PPM1F: variants seen among roughly 807,000 people sequenced by gnomAD.
PPM1F encodes the protein protein phosphatase, Mg2+/Mn2+ dependent 1F.
A neutral mutation model predicts 35.5 loss-of-function variants in PPM1F; 17 were observed. The observed-to-expected ratio is 0.48, with a 90% CI of 0.33 to 0.72. The LOEUF is 0.72. PPM1F is among the 30% of genes least tolerant of loss of function. PPM1F has a pLI of 0.02. For synonymous variants in PPM1F, 241 were observed against 255.5 expected, an observed-to-expected ratio of 0.94 and a Z score of 0.54; for missense variants, 521 against 613.0, an observed-to-expected ratio of 0.85 and a Z score of 1.59.
In PPM1F at chr22:21,945,811, T is replaced by TC. The variant is rs774750060; in HGVS notation, c.206+31dup. 5.6e-6 allele frequency: 9 copies of TC among 1,598,506 alleles called. No homozygotes were observed. In the East Asian group the frequency reaches 6.7e-5, roughly 12 times the overall value. ...GTCGGCCCTGGTGCCGTGCCCTTAC[T>TC]CCCCGTCCCCTTTGGGGGTGCACAG... On this transcript the variant is annotated intron_variant, in intron 2 of 7. Coordinates refer to ENST00000263212, the MANE Select transcript of PPM1F (RefSeq NM_014634.4).
At chr22:21,938,201 C>T in intron 3 of PPM1F, 1 of 1,303,356 alleles carries the variant, frequency 7.7e-7, no homozygotes, top group Non-Finnish European at 1.0e-6. Flanking sequence ...CGCTCCTTCT[C>T]ACCGGCAGGT....
rs2070422773 is a variant in PPM1F, at chr22:21,919,506, A to AAGAATAGGGAAG, written c.*3574_*3585dup. The AAGAATAGGGAAG allele has an allele frequency of 6.6e-6, 1 of 152,478 alleles. No individual in the cohort carries two copies. Among genetic ancestry groups the AAGAATAGGGAAG allele is most frequent in the African/African-American group, 2.4e-5 (1 of 41,404 alleles). The allele number at this position is 152,478 out of a possible 1,614,324, so 9.4% of individuals were successfully genotyped here. A position where few individuals can be genotyped will look rare whatever the true frequency, so the allele number is the denominator to read the frequency against. ...TTCTGGCATCTTGGGACTTGTCCCT[A>AAGAATAGGGAAG]AGAATAGGGAAGACAGTCATCCTGT... On this transcript the variant is annotated 3_prime_UTR_variant, in exon 8 of 8. Coordinates refer to ENST00000263212, the MANE Select transcript of PPM1F (RefSeq NM_014634.4).
chr22:21,921,044 A>G lies in PPM1F; in HGVS notation c.*2048T>C, dbSNP rs891807191. ...TGTTTAAGGTTTTTTTTTGTAAATAAGAGACCTTAAGCAATGCATTGACTG... is the reference window on the plus strand; with the variant it reads ...TGTTTAAGGTTTTTTTTTGTAAATAGGAGACCTTAAGCAATGCATTGACTG... On this transcript the variant is annotated 3_prime_UTR_variant, in exon 8 of 8. Transcript: ENST00000263212. 1 of 152,398 alleles carries G rather than the reference A, an allele frequency of 6.6e-6. No homozygotes were observed. The highest frequency in any genetic ancestry group is 2.4e-5 in the African/African-American group (1 of 41,408). 9.4% of individuals were successfully genotyped at this position (152,398 alleles called of 1,614,324 possible). A position where few individuals can be genotyped will look rare whatever the true frequency, so the allele number is the denominator to read the frequency against.
intron 5 of PPM1F, among the ~76,000 whole-genome samples, chr22:21,932,178 C>T (rs771327580): frequency 5.9e-5 from 9 of 152,176 alleles, no homozygotes; most frequent in Non-Finnish European, 1.2e-4. Context: ...GTCTCGAATT[C>T]CTAACCTGAA....
chr22:21,925,701 G>A, intron 6 of PPM1F, 39 bp from the exon 7 acceptor site: 4 of 1,512,546 alleles, frequency 2.6e-6, no homozygotes, highest in Non-Finnish European at 3.6e-6. Context: ...AGGGCCGGGG[G>A]GATGGGGCGT....
At chr22:21,931,680 T>A (rs944410628) in intron 5 of PPM1F, among the ~76,000 whole-genome samples, 1 of 151,678 alleles carries the variant, frequency 6.6e-6, no homozygotes, top group Non-Finnish European at 1.5e-5. Context: ...GCCTGGCTAA[T>A]TTTTTGTGTT....
intron 1 of PPM1F, 49 bp from the exon 2 acceptor site, chr22:21,946,157 C>G (rs2070775442): frequency 1.1e-6 from 1 of 912,916 alleles, no homozygotes; most frequent in Non-Finnish European, 1.6e-6. Flanking sequence ...ATGGCACCAG[C>G]AATGCAGGTG....
rs1212214075 is a variant in PPM1F, at chr22:21,919,459, G to A, written c.*3633C>T. On this transcript the variant is annotated 3_prime_UTR_variant, in exon 8 of 8. Coordinates refer to ENST00000263212, the MANE Select transcript of PPM1F (RefSeq NM_014634.4). ...TGTGGTTTATTGACACTTCTGCATGGTGGGTCCTTGGGAGACTGCCTTTCT... is the reference window on the plus strand; with the variant it reads ...TGTGGTTTATTGACACTTCTGCATGATGGGTCCTTGGGAGACTGCCTTTCT... 6.6e-6 allele frequency: 1 copy of A among 152,648 alleles called. No individual in the cohort carries two copies. The highest frequency in any genetic ancestry group is 1.5e-5 in the Non-Finnish European group (1 of 68,034). The allele number at this position is 152,648 out of a possible 1,614,324, so 9.5% of individuals were successfully genotyped here.
Position 21,922,935 on chromosome 22 carries a change from G to A in PPM1F, c.*157C>T, listed in dbSNP as rs1033773020. 6.5e-6 allele frequency: 6 copies of A among 929,090 alleles called. No homozygotes were observed. Among genetic ancestry groups the A allele is most frequent in the African/African-American group, 1.8e-5 (1 of 54,964 alleles). The allele number at this position is 929,090 out of a possible 1,614,324, so 57.6% of individuals were successfully genotyped here. A position where few individuals can be genotyped will look rare whatever the true frequency, so the allele number is the denominator to read the frequency against. ...AGTGCAGTTCCACAGCCACCAGGACGGGCTGCGGGGGGTGTCCCGACTGGC... is the reference window on the plus strand; with the variant it reads ...AGTGCAGTTCCACAGCCACCAGGACAGGCTGCGGGGGGTGTCCCGACTGGC... On this transcript the variant is annotated 3_prime_UTR_variant, in exon 8 of 8. Transcript: ENST00000263212.
intron 6 of PPM1F, 53 bp downstream of exon 6, chr22:21,931,095 C>T (rs2070583505): frequency 3.1e-6 from 5 of 1,605,462 alleles, no homozygotes; most frequent in Non-Finnish European, 4.3e-6. Context: ...CCTATGGGCC[C>T]AGCATGATGG....
At position 21,920,193 on chromosome 22, in the gene PPM1F, C is replaced by T. The variant is rs2070431149; in HGVS notation, c.*2899G>A. On this transcript the variant is annotated 3_prime_UTR_variant, in exon 8 of 8. Transcript: ENST00000263212. ...CCCAACCTGCTGGCAGCAGGAGGGCCCCTGTGTGCTGGCAGCATCTCCCCA... is the reference window on the plus strand; with the variant it reads ...CCCAACCTGCTGGCAGCAGGAGGGCTCCTGTGTGCTGGCAGCATCTCCCCA... 2 of 152,524 alleles carry T rather than the reference C, an allele frequency of 1.3e-5. No homozygotes were observed. The highest frequency in any genetic ancestry group is 4.8e-5 in the African/African-American group (2 of 41,434). The allele number at this position is 152,524 out of a possible 1,614,324, so 9.4% of individuals were successfully genotyped here.
chr22:21,931,093 C>T, intron 6 of PPM1F, 55 bp downstream of exon 6: 1 of 1,603,952 alleles, frequency 6.2e-7, no homozygotes, highest in Non-Finnish European at 8.5e-7. Context: ...CCCCTATGGG[C>T]CCAGCATGAT....
intron 6 of PPM1F, among the ~76,000 whole-genome samples, chr22:21,928,089 G>A (rs529784838): frequency 5.3e-5 from 8 of 150,802 alleles, no homozygotes; most frequent in Non-Finnish European, 1.0e-4. Context: ...ACTGCCCAGC[G>A]CCCACCCCCT....
intron 7 of PPM1F, 141 bp downstream of exon 7, chr22:21,925,428 A>C: frequency 1.5e-6 from 1 of 662,066 alleles, no homozygotes; most frequent in Admixed American, 2.5e-5. Flanking sequence ...TCACACTACG[A>C]GGGTATCACC....
chr22:21,937,377 T>C (rs1569129592), intron 3 of PPM1F, among the ~76,000 whole-genome samples: 1 of 152,128 alleles, frequency 6.6e-6, no homozygotes, highest in African/African-American at 2.4e-5. Context: ...GCTGCCGCCA[T>C]GGCCAACACA....
At chr22:21,949,333 C>G (rs1022176343) in intron 1 of PPM1F, 4 of 152,238 alleles carry the variant, frequency 2.6e-5, no homozygotes, top group Admixed American at 2.6e-4. Flanking sequence ...AACCAGGACA[C>G]AGCTTTCTCT....
At chr22:21,946,674 T>A (rs1601793204) in intron 1 of PPM1F, 1 of 152,432 alleles carries the variant, frequency 6.6e-6, no homozygotes, top group South Asian at 2.1e-4. Flanking sequence ...CAGAGGCTGC[T>A]GGGGCCACCC....
Position 21,939,831 on chromosome 22 carries a change from A to C in PPM1F, c.207-151T>G. 2.3e-6 allele frequency: 2 copies of C among 869,590 alleles called. No homozygotes were observed. Among genetic ancestry groups the C allele is most frequent in the South Asian group, 3.5e-5 (2 of 57,698 alleles). The allele number at this position is 869,590 out of a possible 1,614,324, so 53.9% of individuals were successfully genotyped here. A position where few individuals can be genotyped will look rare whatever the true frequency, so the allele number is the denominator to read the frequency against. On this transcript the variant is annotated intron_variant, in intron 2 of 7. Coordinates refer to ENST00000263212, the MANE Select transcript of PPM1F (RefSeq NM_014634.4). The surrounding 1 kb of genome is among the most constrained non-coding windows in gnomAD (Gnocchi z 5.1). ...AGCTGGGACAGGAAGGTCACAGGACAGCAAAGGCAGACGCACAACCATCTG... is the reference window on the plus strand; with the variant it reads ...AGCTGGGACAGGAAGGTCACAGGACCGCAAAGGCAGACGCACAACCATCTG...
At chr22:21,938,831 G>C (rs2070693177) in intron 3 of PPM1F, 1 of 154,304 alleles carries the variant, frequency 6.5e-6, no homozygotes, top group African/African-American at 2.4e-5. Flanking sequence ...GAGAATGAAA[G>C]AAAGTCACAT....
Sources: gnomAD v4.1 joint callset for allele counts (sites outside exome capture counted in the v4.1 genomes callset) on GRCh38, gnomAD v4.1.1 for gene constraint, Gnocchi (gnomAD v3.1) non-coding constraint, MANE v1.5 for transcripts, NCBI Gene and HGNC (gene_info 2026-07-23, HGNC 2026-07-21) for gene names.